CNTN3: variants seen among roughly 807,000 people sequenced by gnomAD.
CNTN3 encodes contactin 3, also known as contactin-3.
In CNTN3, 60 loss-of-function variants were observed where a neutral mutation model predicts 119.1. The observed-to-expected ratio is 0.50, with a 90% CI of 0.41 to 0.62. CNTN3 has a LOEUF of 0.62. Ranked by LOEUF, CNTN3 falls within the 20% of genes least tolerant of loss-of-function variation. The pLI, the probability that CNTN3 is intolerant of heterozygous loss-of-function variation, is 0.00. For missense variants in CNTN3, 1,101 were observed against 1,242.4 expected (o/e 0.89, Z 1.71); for synonymous variants, 450 against 438.7 (o/e 1.03, Z -0.32).
At chr3:74,469,647 C>T (rs1045442879) in intron 4 of CNTN3, among the ~76,000 whole-genome samples, 7 of 152,150 alleles carry the variant, frequency 4.6e-5, no homozygotes, top group African/African-American at 1.4e-4. Context: ...AACCACAATA[C>T]GATACCCCTT....
intron 4 of CNTN3, among the ~76,000 whole-genome samples, chr3:74,459,207 T>C (rs533136331): frequency 6.6e-6 from 1 of 152,078 alleles, no homozygotes; most frequent in African/African-American, 2.4e-5. Flanking sequence ...CCATGTTGCC[T>C]CTTCCTACAT....
intron 5 of CNTN3, among the ~76,000 whole-genome samples, chr3:74,408,855 C>T (rs74939458): frequency 0.024 from 3,637 of 152,234 alleles, 141 homozygotes; most frequent in African/African-American, 0.082. Context: ...TCATAAAGAG[C>T]AACTGGAGGT....
intron 1 of CNTN3, among the ~76,000 whole-genome samples, chr3:74,596,898 C>T (rs1385526057): frequency 6.6e-6 from 1 of 152,036 alleles, no homozygotes; most frequent in African/African-American, 2.4e-5. Context: ...TCAACATTAA[C>T]ATCATTATGT....
intron 11 of CNTN3, among the ~76,000 whole-genome samples, chr3:74,337,842 C>A (rs967268857): frequency 1.3e-5 from 2 of 151,824 alleles, no homozygotes; most frequent in African/African-American, 2.4e-5. Flanking sequence ...CAGGGTGATA[C>A]AATAGAGAGT....
chr3:74,569,185 G>A (rs1481263208), intron 1 of CNTN3, among the ~76,000 whole-genome samples: 7 of 152,100 alleles, frequency 4.6e-5, no homozygotes, highest in African/African-American at 1.7e-4. Context: ...ACTCATATCT[G>A]TTACCTGTGA....
At chr3:74,312,675 T>C (rs778555444) in intron 13 of CNTN3, among the ~76,000 whole-genome samples, 1 of 152,006 alleles carries the variant, frequency 6.6e-6, no homozygotes, top group Non-Finnish European at 1.5e-5. Flanking sequence ...CTCATAGGAC[T>C]ACAACATTCT....
At chr3:74,571,461 G>A (rs1040302167) in intron 1 of CNTN3, among the ~76,000 whole-genome samples, 1 of 152,082 alleles carries the variant, frequency 6.6e-6, no homozygotes, top group African/African-American at 2.4e-5. Context: ...ACCCCTCATT[G>A]ATTGTGGAAC....
intron 4 of CNTN3, among the ~76,000 whole-genome samples, chr3:74,453,628 T>C (rs904702804): frequency 6.6e-6 from 1 of 151,490 alleles, no homozygotes; most frequent in Non-Finnish European, 1.5e-5. Context: ...TTTTGGATCT[T>C]TCCTGCTTTC....
chr3:74,366,989 C>A (rs531510512), intron 8 of CNTN3, among the ~76,000 whole-genome samples: 89 of 144,000 alleles, frequency 6.2e-4, no homozygotes, highest in Admixed American at 9.3e-4. Flanking sequence ...ACAAGCTTCC[C>A]ATAGTAATAC....
intron 13 of CNTN3, among the ~76,000 whole-genome samples, chr3:74,318,816 AG>A (rs1309374027): frequency 6.6e-6 from 1 of 152,170 alleles, no homozygotes; most frequent in Non-Finnish European, 1.5e-5. Flanking sequence ...GACTCACTTG[AG>A]GAGGCAATCT....
At chr3:74,317,293 C>T (rs1101685) in intron 13 of CNTN3, among the ~76,000 whole-genome samples, 37,407 of 142,772 alleles carry the variant, frequency 0.26, 4,681 homozygotes, top group East Asian at 0.62. Context: ...CTTTATCCAA[C>T]TTGCCAGTCT....
At chr3:74,298,850 T>C (rs1347677407) in intron 17 of CNTN3, among the ~76,000 whole-genome samples, 3 of 139,782 alleles carry the variant, frequency 2.1e-5, no homozygotes, top group African/African-American at 8.4e-5. Context: ...TGAGCCGATA[T>C]CACGCCACTC....
chr3:74,362,333 T>C (rs1439623302), intron 10 of CNTN3, among the ~76,000 whole-genome samples: 1 of 152,188 alleles, frequency 6.6e-6, no homozygotes, highest in Non-Finnish European at 1.5e-5. Context: ...TATAGAACGT[T>C]TTTAAATGTT....
chr3:74,425,094 T>C (rs1701675327), intron 4 of CNTN3, among the ~76,000 whole-genome samples, 154 bp from the exon 5 acceptor site: 1 of 151,870 alleles, frequency 6.6e-6, no homozygotes. Flanking sequence ...TCACCCTTTA[T>C]TTTAGATTCA....
chr3:74,447,856 C>T (rs977895707), intron 4 of CNTN3, among the ~76,000 whole-genome samples: 1 of 152,062 alleles, frequency 6.6e-6, no homozygotes, highest in Non-Finnish European at 1.5e-5. Flanking sequence ...AAAACATGAA[C>T]CATTTTTAAA....
At chr3:74,452,972 A>G (rs1429227476) in intron 4 of CNTN3, among the ~76,000 whole-genome samples, 2 of 151,108 alleles carry the variant, frequency 1.3e-5, no homozygotes, top group Admixed American at 1.3e-4. Context: ...TTGGTCTAAA[A>G]TTCTCTTTTT....
At chr3:74,458,473 T>C (rs745643125) in intron 4 of CNTN3, among the ~76,000 whole-genome samples, 14 of 151,976 alleles carry the variant, frequency 9.2e-5, no homozygotes, top group Non-Finnish European at 2.1e-4. Context: ...TCAGTGCCCA[T>C]GAGTATAGTT....
chr3:74,559,612 G>C (rs539459045), intron 1 of CNTN3, among the ~76,000 whole-genome samples: 1 of 39,854 alleles, frequency 2.5e-5, no homozygotes, highest in Admixed American at 2.8e-4. Context: ...GACCAAAAAA[G>C]AAAAGAAAAA....
chr3:74,336,090 C>T (rs986478263), intron 12 of CNTN3, among the ~76,000 whole-genome samples: 13 of 152,032 alleles, frequency 8.6e-5, no homozygotes, highest in African/African-American at 2.7e-4. Context: ...AGAGTAGGTG[C>T]TCCAATTTTT....
Sources: gnomAD v4.1 joint callset for allele counts (sites outside exome capture counted in the v4.1 genomes callset) on GRCh38, gnomAD v4.1.1 for gene constraint, MANE v1.5 for transcripts, NCBI Gene and HGNC (gene_info 2026-07-23, HGNC 2026-07-21) for gene names.